Variants in CEP295 observed in about 807,000 individuals in gnomAD.
The protein encoded by CEP295 is centrosomal protein of 295 kDa.
In CEP295, 190 loss-of-function variants were observed where a neutral mutation model predicts 291.6. The observed-to-expected ratio is 0.65, with a 90% CI of 0.58 to 0.73. CEP295 has a LOEUF of 0.73. CEP295 is among the 30% of genes least tolerant of loss of function. CEP295 has a pLI of 0.00. For missense variants in CEP295, 2,863 were observed against 2,949.4 expected, an observed-to-expected ratio of 0.97 and a Z score of 0.68; for synonymous variants, 993 against 1,038.8, an observed-to-expected ratio of 0.96 and a Z score of 0.85.
chr11:93,670,164 A>G (rs1385629623), intron 5 of CEP295, among the ~76,000 whole-genome samples: 2 of 151,626 alleles, frequency 1.3e-5, no homozygotes, highest in Non-Finnish European at 2.9e-5. Flanking sequence ...TTATTGGGGG[A>G]AAAAACTAAA....
rs767111927 is a variant in CEP295 at position 93,702,736 on chromosome 11, A to G, written c.5453-40A>G. 23 of 1,545,988 alleles carry G rather than the reference A, an allele frequency of 1.5e-5. No homozygotes were observed. In the African/African-American group the frequency reaches 3.2e-4, roughly 21 times the overall value. On this transcript the variant is annotated intron_variant, in intron 16 of 29. Transcript: ENST00000325212. ...GAAGAAAAGTTAGAAGTATGTTAAT[A>G]GATTTTGTATTGTATCCAACTTTGT...
At chr11:93,709,861 T>A (rs1952779884) in intron 18 of CEP295, among the ~76,000 whole-genome samples, 1 of 152,152 alleles carries the variant, frequency 6.6e-6, no homozygotes. Flanking sequence ...AATCTTTCAC[T>A]TCTTTGGTTA....
chr11:93,686,906 A>C (rs1951271942), intron 9 of CEP295, among the ~76,000 whole-genome samples: 1 of 152,218 alleles, frequency 6.6e-6, no homozygotes, highest in Non-Finnish European at 1.5e-5. Context: ...ACAAAACTAC[A>C]ATCTGCCTAT....
intron 17 of CEP295, 81 bp downstream of exon 17, chr11:93,703,000 G>GTT: frequency 8.5e-7 from 1 of 1,173,076 alleles, no homozygotes; most frequent in East Asian, 2.6e-5. Context: ...GCCTTGCTCT[G>GTT]TTGCCCAGGC....
chr11:93,729,330 C>A (rs1937998134), intron 25 of CEP295, 104 bp from the exon 26 acceptor site: 4 of 752,030 alleles, frequency 5.3e-6, no homozygotes, highest in Non-Finnish European at 9.1e-6. Context: ...AAGATTGAGG[C>A]TGCAGTGAGG....
chr11:93,663,111 T>C (rs990022645), intron 1 of CEP295, among the ~76,000 whole-genome samples: 1 of 152,230 alleles, frequency 6.6e-6, no homozygotes, highest in African/African-American at 2.4e-5. Context: ...GACATGAGAA[T>C]GTAACTCACA....
chr11:93,716,316 A>G (rs1953238309), intron 18 of CEP295, among the ~76,000 whole-genome samples: 2 of 152,118 alleles, frequency 1.3e-5, no homozygotes, highest in Admixed American at 6.6e-5. Context: ...CCCCAAGCAT[A>G]CAGATTCTCT....
chr11:93,727,685 G>T (rs771787009), intron 24 of CEP295, 48 bp downstream of exon 24: 3 of 1,416,220 alleles, frequency 2.1e-6, no homozygotes, highest in Non-Finnish European at 2.8e-6. Context: ...TCCTTTTTGG[G>T]AAAAAACTTT....
chr11:93,700,215 A>G (rs1952066421), intron 15 of CEP295, 29 bp downstream of exon 15: 1 of 1,491,020 alleles, frequency 6.7e-7, no homozygotes, highest in Admixed American at 2.5e-5. Flanking sequence ...TAATAATGAA[A>G]CACTAGAAGT....
chr11:93,664,824 C>T (rs529496079), intron 1 of CEP295, among the ~76,000 whole-genome samples: 31 of 152,282 alleles, frequency 2.0e-4, no homozygotes, highest in African/African-American at 7.2e-4. Context: ...AAACATTGTG[C>T]ATCCATAGTA....
intron 18 of CEP295, among the ~76,000 whole-genome samples, chr11:93,710,610 G>A (rs1952829749): frequency 6.6e-6 from 1 of 152,090 alleles, no homozygotes; most frequent in Admixed American, 6.5e-5. Context: ...TTGGGATTAG[G>A]GCAATACTGG....
intron 12 of CEP295, among the ~76,000 whole-genome samples, chr11:93,693,787 C>T (rs145087284): frequency 1.3e-5 from 2 of 152,086 alleles, no homozygotes; most frequent in Non-Finnish European, 2.9e-5. Flanking sequence ...AGAAAAATTT[C>T]TCATCAATAG....
At chr11:93,681,861 T>TG (rs373178380) in intron 7 of CEP295, among the ~76,000 whole-genome samples, 108 of 7,096 alleles carry the variant, frequency 0.015, no homozygotes, top group African/African-American at 0.019. Flanking sequence ...TTTGTTTTTG[T>TG]TTTTTTTTTT....
intron 18 of CEP295, among the ~76,000 whole-genome samples, chr11:93,720,081 G>T (rs1953583536): frequency 6.6e-6 from 1 of 151,268 alleles, no homozygotes; most frequent in African/African-American, 2.4e-5. Context: ...AAAAAAGCTG[G>T]GCGTAGTGGC....
intron 9 of CEP295, among the ~76,000 whole-genome samples, chr11:93,686,014 T>C (rs1951217577): frequency 6.7e-6 from 1 of 150,136 alleles, no homozygotes; most frequent in Admixed American, 6.6e-5. Context: ...CGGCCAGCAG[T>C]GTCTTTAAAA....
In CEP295 at chr11:93,723,063, T is replaced by C; in HGVS notation, c.5970T>C (p.Asp1990=). The part of the protein sequence containing the change: ...TDPESFSEHM[D]DSKQESTTSK... ...CAGAGTCATTTTCAGAGCACATGGA[T>C]GATAGCAAGCAAGAATCTACCACCA... Residue 1990 remains aspartate, a synonymous_variant, in exon 21 of 30, where the codon GAT becomes GAC. Transcript: ENST00000325212. The C allele has an allele frequency of 6.4e-7, 1 of 1,551,394 alleles. No homozygotes were observed.
chr11:93,683,917 T>G (rs762609433), intron 8 of CEP295, 47 bp from the exon 9 acceptor site: 2 of 1,521,658 alleles, frequency 1.3e-6, no homozygotes, highest in African/African-American at 2.8e-5. Context: ...TCCAGTTATT[T>G]TTAATCATTT....
intron 18 of CEP295, among the ~76,000 whole-genome samples, chr11:93,716,415 G>A (rs1457146783): frequency 6.6e-6 from 1 of 152,230 alleles, no homozygotes; most frequent in Non-Finnish European, 1.5e-5. Context: ...CAGTGCCTCT[G>A]TCAGCGATAT....
rs1453067109 is a variant in CEP295 at position 93,700,106 on chromosome 11, C to T, written c.5194C>T (p.Leu1732Phe). ...TAGCCAGAAAGCCCAGGAAAAATTG[C>T]TTGTACAGAGACAAACAGCATTGCA... ...HYSQKAQEKLLVQRQTALQQQ... is the reference protein window; with the variant it reads ...HYSQKAQEKLFVQRQTALQQQ... Residue 1732 changes from leucine to phenylalanine, a missense_variant, in exon 15 of 30, where the codon CTT becomes TTT. Leu to Phe is a conservative substitution (Grantham distance 22). Transcript: ENST00000325212. 6.4e-7 allele frequency: 1 copy of T among 1,551,516 alleles called. No individual in the cohort carries two copies. The highest frequency in any genetic ancestry group is 8.7e-7 in the Non-Finnish European group (1 of 1,146,886).
Sources: allele counts gnomAD v4.1 joint callset (sites outside exome capture counted in the v4.1 genomes callset), GRCh38; gene constraint gnomAD v4.1.1; transcripts MANE v1.5; gene names NCBI Gene and HGNC (gene_info 2026-07-23, HGNC 2026-07-21).